Variants in KAT7 observed in about 807,000 individuals in gnomAD.
The protein encoded by KAT7 is histone acetyltransferase KAT7.
KAT7 carries 10 observed loss-of-function variants against 82.1 expected under a neutral mutation model. That is an observed-to-expected ratio of 0.12 (90% CI 0.08 to 0.21). The LOEUF is 0.21. Ranked by LOEUF, KAT7 falls within the 10% of genes least tolerant of loss-of-function variation. The pLI, the probability that KAT7 is intolerant of heterozygous loss-of-function variation, is 1.00. For synonymous variants in KAT7, 250 were observed against 262.5 expected, an observed-to-expected ratio of 0.95 and a Z score of 0.46; for missense variants, 378 against 760.9, an observed-to-expected ratio of 0.50 and a Z score of 5.92.
intron 10 of KAT7, 99 bp from the exon 11 acceptor site, chr17:49,821,551 A>G (rs2074303857): frequency 2.6e-6 from 4 of 1,525,018 alleles, no homozygotes; most frequent in Admixed American, 1.7e-5. Flanking sequence ...AAAATACACA[A>G]TGTGTTTCAT....
At chr17:49,810,414 G>A (rs979947644) in intron 6 of KAT7, among the ~76,000 whole-genome samples, 13 of 152,020 alleles carry the variant, frequency 8.6e-5, no homozygotes, top group African/African-American at 2.7e-4. Flanking sequence ...ACGCCACCAC[G>A]CCCAGCTAAT....
chr17:49,789,164 G>C (rs118023735), intron 1 of KAT7: 2 of 259,630 alleles, frequency 7.7e-6, no homozygotes, highest in African/African-American at 4.4e-5. Flanking sequence ...ACCTCCCCGC[G>C]TGCGGGGGCG....
intron 4 of KAT7, among the ~76,000 whole-genome samples, chr17:49,799,379 T>G (rs926817258): frequency 6.7e-6 from 1 of 148,654 alleles, no homozygotes. Flanking sequence ...GTAGTGTGTT[T>G]TGTTTGTTTG....
chr17:49,795,821 G>C (rs2073948823), intron 2 of KAT7, among the ~76,000 whole-genome samples: 1 of 152,170 alleles, frequency 6.6e-6, no homozygotes. Context: ...GCAAAGAATA[G>C]TTGCAATGTT....
chr17:49,817,503 C>T (rs916925748), intron 8 of KAT7, among the ~76,000 whole-genome samples: 6 of 152,260 alleles, frequency 3.9e-5, no homozygotes, highest in South Asian at 2.1e-4. Flanking sequence ...AAAGGAGTTT[C>T]GCTCTGTCTC....
intron 13 of KAT7, 134 bp downstream of exon 13, chr17:49,826,280 C>T (rs1040890972): frequency 4.2e-5 from 35 of 828,900 alleles, no homozygotes; most frequent in Middle Eastern, 2.6e-4. Flanking sequence ...ACTAAAGCTG[C>T]CTAGGAATCC....
intron 11 of KAT7, among the ~76,000 whole-genome samples, chr17:49,822,055 A>G (rs1363299350): frequency 6.6e-6 from 1 of 152,122 alleles, no homozygotes; most frequent in East Asian, 1.9e-4. Context: ...AGCCCTCCCT[A>G]GTAACTCACA....
chr17:49,811,588 A>G lies in KAT7; in HGVS notation c.852+14A>G. The stretch of plus-strand genomic sequence containing the variant: ...GAGAAATATATGGTGAGGGAAAGTT[A>G]AATATTTAATGAGCATGAACTCCTG... On this transcript the variant is annotated intron_variant, in intron 7 of 14. Coordinates refer to ENST00000259021, the MANE Select transcript of KAT7 (RefSeq NM_007067.5). 2.3e-6 allele frequency: 3 copies of G among 1,322,638 alleles called. No homozygotes were observed. The highest frequency in any genetic ancestry group is 3.1e-6 in the Non-Finnish European group (3 of 967,300). 81.9% of individuals were successfully genotyped at this position (1,322,638 alleles called of 1,614,324 possible). A position where few individuals can be genotyped will look rare whatever the true frequency, so the allele number is the denominator to read the frequency against.
rs762542211 is a variant in KAT7, at chr17:49,792,541, A to C, written c.163+508A>C. On this transcript the variant is annotated intron_variant, in intron 2 of 14. Transcript: ENST00000259021. ...TCCTGGGCCAGTGATATGTGGGCCA[A>C]ATATTTTCTCATGTTGCTGAGTGGT... 4.9e-4 allele frequency among the ~76,000 whole-genome samples: 74 copies of C among 152,092 alleles called. 1 individual carries two copies. The highest frequency in any genetic ancestry group is 1.8e-3 in the Admixed American group (27 of 15,258).
chr17:49,813,102 A>G (rs894049761), intron 7 of KAT7, among the ~76,000 whole-genome samples: 5 of 147,006 alleles, frequency 3.4e-5, no homozygotes, highest in Non-Finnish European at 7.4e-5. Flanking sequence ...TGATGCTCAG[A>G]TTTAGGCTTC....
At position 49,798,505 on chromosome 17, in the gene KAT7, A is replaced by G. The variant is rs768178100; in HGVS notation, c.527A>G (p.His176Arg). 2 of 1,614,062 alleles carry G rather than the reference A, an allele frequency of 1.2e-6. No homozygotes were observed. The highest frequency in any genetic ancestry group is 1.7e-5 in the Admixed American group (1 of 60,016). ...CATCGCCCCAAGCGCCGTCGCTTCCATGAAAGCTACAACTTCAATATGAAG... is the reference window on the plus strand; with the variant it reads ...CATCGCCCCAAGCGCCGTCGCTTCCGTGAAAGCTACAACTTCAATATGAAG... The part of the protein sequence containing the change: ...LSHRPKRRRF[H>R]ESYNFNMKCP... Residue 176 changes from histidine to arginine, a missense_variant, in exon 4 of 15, where the codon CAT becomes CGT. Around this residue, in one of 6 missense-constraint regions of KAT7, gnomAD observed 161 missense variants for 229.6 expected, o/e 0.70. Transcript: ENST00000259021.
rs1267766595 is a variant in KAT7 at position 49,798,325 on chromosome 17, A to C, written c.347A>C (p.Lys116Thr). 8.1e-6 allele frequency: 13 copies of C among 1,613,434 alleles called. No individual in the cohort carries two copies. The highest frequency in any genetic ancestry group is 1.0e-5 in the Non-Finnish European group (12 of 1,179,494). ...QVVDFSDRET[K>T]NTADHDESPP... ...CCAATTGCTTTTGCTTTAGAAACTA[A>C]AAATACAGCTGATCATGATGAGTCA... The change falls in exon 4 of 15, where the codon AAA becomes ACA. Residue 116 changes from lysine (K) to threonine (T), a missense_variant. Physicochemically the swap from Lys to Thr is moderately conservative, Grantham distance 78. Transcript: ENST00000259021.
intron 4 of KAT7, among the ~76,000 whole-genome samples, chr17:49,799,944 A>G (rs1033771899): frequency 1.3e-5 from 2 of 151,292 alleles, no homozygotes; most frequent in African/African-American, 2.4e-5. Flanking sequence ...AGCTGGGACT[A>G]CAAGCGTGAG....
At chr17:49,808,544 G>A (rs998781747) in intron 5 of KAT7, among the ~76,000 whole-genome samples, 3 of 151,072 alleles carry the variant, frequency 2.0e-5, no homozygotes, top group African/African-American at 7.3e-5. Context: ...TCTACCTCCC[G>A]GGTTCAAGCA....
chr17:49,825,908 T>G (rs923854082), intron 12 of KAT7, 92 bp from the exon 13 acceptor site: 3 of 1,349,480 alleles, frequency 2.2e-6, no homozygotes, highest in African/African-American at 2.9e-5. Flanking sequence ...GGACTGTGCT[T>G]CTTAAACCTT....
At chr17:49,823,511 G>A in intron 12 of KAT7, 1 of 472,526 alleles carries the variant, frequency 2.1e-6, no homozygotes, top group Non-Finnish European at 3.8e-6. Context: ...TAATGAGTAG[G>A]AGGTACAGAG....
chr17:49,788,745 AC>A lies in KAT7; in HGVS notation c.-89del. On this transcript the variant is annotated 5_prime_UTR_variant, in exon 1 of 15. Coordinates refer to ENST00000259021, the MANE Select transcript of KAT7 (RefSeq NM_007067.5). ...GATCGTCCGCAGGATTGGGACTGAT[AC>A]AGAGGCCGCCACGGAGCCCGCCGGA... is the stretch of plus-strand genomic sequence containing the variant. 7.0e-7 allele frequency: 1 copy of A among 1,433,580 alleles called. No homozygotes were observed. The highest frequency in any genetic ancestry group is 2.7e-5 in the East Asian group (1 of 37,546). The allele number at this position is 1,433,580 out of a possible 1,614,324, so 88.8% of individuals were successfully genotyped here.
At chr17:49,813,891 G>A (rs1215733964) in intron 7 of KAT7, among the ~76,000 whole-genome samples, 4 of 150,466 alleles carry the variant, frequency 2.7e-5, no homozygotes, top group African/African-American at 9.8e-5. Context: ...TTTTTGAGGC[G>A]GAGTTTTTGA....
intron 3 of KAT7, 120 bp from the exon 4 acceptor site, chr17:49,798,199 T>G: frequency 1.2e-6 from 1 of 845,692 alleles, no homozygotes; most frequent in South Asian, 1.8e-5. Flanking sequence ...AGCAGATGAA[T>G]AGCTGAAAGT....
Sources: gnomAD v4.1 joint callset for allele counts (sites outside exome capture counted in the v4.1 genomes callset) on GRCh38, gnomAD v4.1.1 for gene constraint, gnomAD v4.1.1 regional missense constraint, MANE v1.5 for transcripts, NCBI Gene and HGNC (gene_info 2026-07-23, HGNC 2026-07-21) for gene names.